Variants in STK4 observed in about 807,000 individuals in gnomAD.
STK4 encodes the protein serine/threonine-protein kinase 4.
STK4 carries 30 observed loss-of-function variants against 64.9 expected under a neutral mutation model. The ratio of observed to expected loss-of-function variants is 0.46; its 90% confidence interval spans 0.35 to 0.63. The LOEUF is 0.63. Among genes scored for constraint, STK4 ranks in the 20% least tolerant of loss-of-function variants. The pLI is 0.01. For synonymous variants in STK4, 177 were observed against 199.0 expected, an observed-to-expected ratio of 0.89 and a Z score of 0.93; for missense variants, 466 against 598.5, an observed-to-expected ratio of 0.78 and a Z score of 2.31.
Position 45,072,239 on chromosome 20 carries a change from C to T in STK4, c.1306-2779C>T, listed in dbSNP as rs185117672. Among the ~76,000 whole-genome samples the T allele has an allele frequency of 5.2e-3, 799 of 152,302 alleles. 2 individuals are homozygous for T. The highest frequency in any genetic ancestry group is 8.3e-3 in the Non-Finnish European group (567 of 68,028). The stretch of plus-strand genomic sequence containing the variant: ...GGAAAGACTTCTGAGATCATCTAGT[C>T]AGCCCTGTCTTACAAATGGGGAAAT... On this transcript the variant is annotated intron_variant, in intron 10 of 10. Transcript: ENST00000372806.
At chr20:45,026,722 A>G (rs1440033331) in intron 10 of STK4, among the ~76,000 whole-genome samples, 2 of 152,202 alleles carry the variant, frequency 1.3e-5, no homozygotes, top group Admixed American at 6.5e-5. Flanking sequence ...TTAATACATT[A>G]TAGGAGAACT....
chr20:44,995,788 A>G (rs940733452), intron 6 of STK4, among the ~76,000 whole-genome samples: 1 of 152,112 alleles, frequency 6.6e-6, no homozygotes, highest in African/African-American at 2.4e-5. Context: ...GTGTATTGAT[A>G]GCCCTCTGGC....
rs147932661 is a variant in STK4, at chr20:45,059,794, C to T, written c.1306-15224C>T. On this transcript the variant is annotated intron_variant, in intron 10 of 10. Coordinates refer to ENST00000372806, the MANE Select transcript of STK4 (RefSeq NM_006282.5). ...CTAGAGAATTTTTTTCATTTTTTTC[C>T]TTGTAATTTTATTGCAAGTAGGATA... Among the ~76,000 whole-genome samples the T allele has an allele frequency of 5.0e-3, 766 of 151,916 alleles. 8 individuals carry two copies. The highest frequency in any genetic ancestry group is 0.018 in the African/African-American group (732 of 41,440).
At chr20:45,010,216 G>T (rs1447240144) in intron 9 of STK4, among the ~76,000 whole-genome samples, 2 of 151,940 alleles carry the variant, frequency 1.3e-5, no homozygotes, top group Non-Finnish European at 2.9e-5. Context: ...ACAGGTGCAT[G>T]CCACCACACC....
chr20:45,042,579 G>T (rs114755515), intron 10 of STK4, among the ~76,000 whole-genome samples: 299 of 152,258 alleles, frequency 2.0e-3, no homozygotes, highest in African/African-American at 6.9e-3. Context: ...AACGCAATTA[G>T]CATCTTTTGT....
At chr20:45,014,637 T>A (rs1256818779) in intron 9 of STK4, among the ~76,000 whole-genome samples, 1 of 152,192 alleles carries the variant, frequency 6.6e-6, no homozygotes, top group East Asian at 1.9e-4. Flanking sequence ...TAAATGCTTT[T>A]GCCCCTCATG....
intron 10 of STK4, among the ~76,000 whole-genome samples, chr20:45,048,257 T>C (rs986713269): frequency 8.5e-5 from 13 of 152,208 alleles, no homozygotes; most frequent in Non-Finnish European, 1.3e-4. Context: ...ACTAATCATA[T>C]TTACTTCTGA....
At chr20:44,970,330 T>C (rs1303853285) in intron 1 of STK4, among the ~76,000 whole-genome samples, 2 of 152,314 alleles carry the variant, frequency 1.3e-5, no homozygotes, top group African/African-American at 4.8e-5. Flanking sequence ...TATGCTGTGG[T>C]CCCTGAAGTA....
chr20:44,972,444 C>G lies in STK4; in HGVS notation c.116+286C>G, dbSNP rs552602449. The stretch of plus-strand genomic sequence containing the variant: ...AATTAGATTAAAATTCTATAAGAAA[C>G]TTTTTAATTTGCTGTTCATAATTTC... On this transcript the variant is annotated intron_variant, in intron 2 of 10. Transcript: ENST00000372806. The G allele has an allele frequency of 6.3e-5, 15 of 236,382 alleles. No individual in the cohort carries two copies. In the South Asian group the frequency reaches 2.1e-3, roughly 33 times the overall value. The allele number at this position is 236,382 out of a possible 1,614,324, so 14.6% of individuals were successfully genotyped here.
At chr20:45,067,056 G>A (rs1979635294) in intron 10 of STK4, among the ~76,000 whole-genome samples, 1 of 152,022 alleles carries the variant, frequency 6.6e-6, no homozygotes, top group African/African-American at 2.4e-5. Context: ...TAACATACTC[G>A]CATCAAGAAA....
intron 10 of STK4, among the ~76,000 whole-genome samples, chr20:45,058,350 A>C (rs1449402036): frequency 6.6e-6 from 1 of 152,180 alleles, no homozygotes; most frequent in Non-Finnish European, 1.5e-5. Flanking sequence ...CCAGAAACTG[A>C]GTGCTATGTA....
intron 3 of STK4, among the ~76,000 whole-genome samples, chr20:44,980,026 C>T (rs183733825): frequency 6.6e-6 from 1 of 152,258 alleles, no homozygotes; most frequent in Non-Finnish European, 1.5e-5. Flanking sequence ...GTGCTAAGCA[C>T]TGTAAGGAAT....
At position 45,000,358 on chromosome 20, in the gene STK4, A is replaced by G. The variant is rs1296786429; in HGVS notation, c.832-34A>G. On this transcript the variant is annotated intron_variant, in intron 7 of 10. Coordinates refer to ENST00000372806, the MANE Select transcript of STK4 (RefSeq NM_006282.5). ...CTGTTTTGGCACTGTCACCATATAA[A>G]CTGTCTCCAGTATTTTCTACTTTGT... is the stretch of plus-strand genomic sequence containing the variant. 3.1e-6 allele frequency: 5 copies of G among 1,603,598 alleles called. No homozygotes were observed. In the East Asian group the frequency reaches 8.9e-5, roughly 29 times the overall value.
At chr20:45,033,887 G>A (rs1206877139) in intron 10 of STK4, among the ~76,000 whole-genome samples, 1 of 151,994 alleles carries the variant, frequency 6.6e-6, no homozygotes, top group Non-Finnish European at 1.5e-5. Context: ...GCCAATGTTT[G>A]AAAGGGTTAA....
chr20:45,033,529 G>C (rs1423470491), intron 10 of STK4, among the ~76,000 whole-genome samples: 1 of 151,966 alleles, frequency 6.6e-6, no homozygotes, highest in Non-Finnish European at 1.5e-5. Context: ...ATTGAATAAG[G>C]AGTCCTTTCT....
intron 4 of STK4, among the ~76,000 whole-genome samples, chr20:44,986,180 T>A (rs1262918683): frequency 6.6e-6 from 1 of 152,140 alleles, no homozygotes; most frequent in Non-Finnish European, 1.5e-5. Flanking sequence ...AGATAAATAA[T>A]GGGTAATATG....
intron 9 of STK4, among the ~76,000 whole-genome samples, chr20:45,020,408 T>C (rs568146441): frequency 1.3e-4 from 20 of 151,792 alleles, no homozygotes; most frequent in Non-Finnish European, 2.2e-4. Flanking sequence ...AATAGAACTC[T>C]TTTTTCCAGA....
At chr20:45,066,626 G>T (rs991389552) in intron 10 of STK4, among the ~76,000 whole-genome samples, 3 of 152,180 alleles carry the variant, frequency 2.0e-5, no homozygotes, top group Non-Finnish European at 4.4e-5. Context: ...TTTTATATAT[G>T]TGGTCAAGTT....
chr20:44,972,356 G>T, intron 2 of STK4, 198 bp downstream of exon 2: 1 of 486,828 alleles, frequency 2.1e-6, no homozygotes, highest in Non-Finnish European at 3.7e-6. Flanking sequence ...TTAACACGAA[G>T]AATATCTATT....
Sources: allele counts gnomAD v4.1 joint callset (sites outside exome capture counted in the v4.1 genomes callset), GRCh38; gene constraint gnomAD v4.1.1; transcripts MANE v1.5; gene names NCBI Gene and HGNC (gene_info 2026-07-23, HGNC 2026-07-21).